The following WDFY3 variants were observed in gnomAD, a reference collection of about 807,000 sequenced individuals.
WDFY3 encodes the protein WD repeat and FYVE domain-containing protein 3.
WDFY3 carries 66 observed loss-of-function variants against 409.6 expected under a neutral mutation model. That is an observed-to-expected ratio of 0.16 (90% CI 0.13 to 0.20). The LOEUF (loss-of-function observed/expected upper bound fraction) is 0.20. Among genes scored for constraint, WDFY3 ranks in the 10% least tolerant of loss-of-function variants. The pLI, the probability that WDFY3 is intolerant of heterozygous loss-of-function variation, is 1.00. For synonymous variants in WDFY3, 1,521 were observed against 1,537.1 expected (o/e 0.99, Z 0.25); for missense variants, 3,031 against 4,298.1 (o/e 0.71, Z 8.24).
chr4:84,848,008 T>G (rs549913630), intron 5 of WDFY3, among the ~76,000 whole-genome samples: 5 of 149,370 alleles, frequency 3.3e-5, no homozygotes, highest in Non-Finnish European at 7.4e-5. Context: ...AACACAAAGA[T>G]AGAAAATGAG....
intron 59 of WDFY3, 148 bp from the exon 60 acceptor site, chr4:84,691,933 T>TCAA (rs1729336760): frequency 9.6e-6 from 8 of 832,804 alleles, no homozygotes; most frequent in Non-Finnish European, 1.4e-5. Context: ...AGAGCTGGGC[T>TCAA]TTTGAATCTC....
chr4:84,952,665 C>T (rs926274835), intron 1 of WDFY3, among the ~76,000 whole-genome samples: 18 of 151,640 alleles, frequency 1.2e-4, no homozygotes, highest in African/African-American at 2.9e-4. Context: ...AAATTTTTTT[C>T]GATGCTATTC....
chr4:84,709,283 T>C lies in WDFY3; in HGVS notation c.8097+10A>G. 1 of 1,606,736 alleles carries C rather than the reference T, an allele frequency of 6.2e-7. No individual in the cohort carries two copies. The highest frequency in any genetic ancestry group is 2.2e-5 in the East Asian group (1 of 44,746). Reference sequence around the variant, plus strand: ...ACTTCTAAGGAAGCTCATATATTCATTAAACTTACCTCCCATCTCTGAGTC... The same window carrying C: ...ACTTCTAAGGAAGCTCATATATTCACTAAACTTACCTCCCATCTCTGAGTC... On this transcript the variant is annotated intron_variant, in intron 52 of 67. Transcript: ENST00000295888.
intron 67 of WDFY3, among the ~76,000 whole-genome samples, chr4:84,676,659 A>T (rs1726352471): frequency 6.6e-6 from 1 of 152,204 alleles, no homozygotes; most frequent in African/African-American, 2.4e-5. Context: ...ATATAATTAA[A>T]ATAACCGACA....
At chr4:84,749,478 A>T (rs187624699) in intron 36 of WDFY3, among the ~76,000 whole-genome samples, 81 of 152,364 alleles carry the variant, frequency 5.3e-4, no homozygotes, top group African/African-American at 1.9e-3. Flanking sequence ...AGCCTTACTT[A>T]ATGTCATTGA....
chr4:84,777,957 A>C (rs1745836946), intron 27 of WDFY3, among the ~76,000 whole-genome samples: 1 of 152,170 alleles, frequency 6.6e-6, no homozygotes, highest in Admixed American at 6.5e-5. Flanking sequence ...AAGCCAGTAG[A>C]AATGAAAATG....
intron 2 of WDFY3, among the ~76,000 whole-genome samples, chr4:84,924,677 C>T (rs921917865): frequency 6.6e-6 from 1 of 152,312 alleles, no homozygotes; most frequent in South Asian, 2.1e-4. Flanking sequence ...TCTGCTCTTT[C>T]ACCTACACAT....
chr4:84,794,587 G>A lies in WDFY3; in HGVS notation c.3419C>T (p.Ala1140Val), dbSNP rs753692566. Residue 1140 changes from alanine to valine, a missense_variant, in exon 21 of 68, where the codon GCA (alanine) becomes GTA (valine). This residue lies in a region of WDFY3 where 1,322 missense variants were observed against 1,697.9 expected (regional missense o/e 0.78). Transcript: ENST00000295888. The stretch of plus-strand genomic sequence containing the variant: ...TCGGTCTTTTGCTGATAGAACTATT[G>A]CAAGGCACACGTAATGTTGCTCAGA... ...NSSEQHYVCL[A>V]IVLSAKDRSL... 5.0e-6 allele frequency: 8 copies of A among 1,613,918 alleles called. No individual in the cohort carries two copies. In the African/African-American group the frequency reaches 8.0e-5, roughly 16 times the overall value.
intron 25 of WDFY3, among the ~76,000 whole-genome samples, chr4:84,781,970 T>G (rs1244238277): frequency 1.3e-5 from 2 of 152,162 alleles, no homozygotes; most frequent in Non-Finnish European, 2.9e-5. Context: ...TTTTTATTAA[T>G]CTAAAAAGGA....
intron 36 of WDFY3, among the ~76,000 whole-genome samples, chr4:84,745,590 C>T (rs531337210): frequency 6.6e-6 from 1 of 152,148 alleles, no homozygotes; most frequent in African/African-American, 2.4e-5. Context: ...AGGAAAATTG[C>T]TCTTTCTTCT....
Position 84,780,204 on chromosome 4 carries a change from A to G in WDFY3, c.4269T>C (p.Asp1423=). The G allele has an allele frequency of 1.2e-6, 2 of 1,613,934 alleles. No individual in the cohort carries two copies. Among genetic ancestry groups the G allele is most frequent in the Non-Finnish European group, 1.7e-6 (2 of 1,179,928 alleles). Residue 1423 remains aspartate, a synonymous_variant, in exon 26 of 68, where the codon GAT becomes GAC. Transcript: ENST00000295888. ...AILGLVAMAS[D]VEGLYAAVKA... ...TGACTGCTGCATATAACCCTTCCAC[A>G]TCAGAGGCCATGGCCACCAGGCCCA... is the stretch of plus-strand genomic sequence containing the variant.
At chr4:84,821,058 AAAT>A (rs1198952367) in intron 11 of WDFY3, 23 bp downstream of exon 11, 1 of 1,542,698 alleles carries the variant, frequency 6.5e-7, no homozygotes. Flanking sequence ...TTTCAAATAA[AAAT>A]AAAATTACAG....
chr4:84,784,893 C>T (rs199610297), intron 24 of WDFY3, among the ~76,000 whole-genome samples: 1,840 of 30,708 alleles, frequency 0.06, 11 homozygotes, highest in African/African-American at 0.083. Flanking sequence ...TATATATATA[C>T]ACACACACAC....
chr4:84,782,980 G>A lies in WDFY3; in HGVS notation c.4157C>T (p.Ala1386Val). The A allele has an allele frequency of 6.2e-7, 1 of 1,614,110 alleles. No homozygotes were observed. The change falls in exon 25 of 68, where the codon GCT (alanine) becomes GTT (valine). Residue 1386 changes from alanine (A) to valine (V), a missense_variant. Coordinates refer to ENST00000295888, the MANE Select transcript of WDFY3 (RefSeq NM_014991.6). Reference sequence around the variant, plus strand: ...CCACTCACCCAAGTATCCAATCAGAGCGGCCCCAATTGTCCGTGCAGATCC... The same window carrying A: ...CCACTCACCCAAGTATCCAATCAGAACGGCCCCAATTGTCCGTGCAGATCC... Reference protein sequence around the residue: ...LNGSARTIGAALIGYLGVRTF... With the variant: ...LNGSARTIGAVLIGYLGVRTF...
Position 84,766,043 on chromosome 4 carries a change from G to A in WDFY3, c.4971-16C>T, listed in dbSNP as rs768016441. ...TTCACAAGCTCTATTCAAGACAGAT[G>A]GATTTAAAAAACAAAAAACAAAATT... On this transcript the variant is annotated splice_polypyrimidine_tract_variant and intron_variant, in intron 31 of 67. Transcript: ENST00000295888. The A allele has an allele frequency of 9.5e-6, 15 of 1,586,002 alleles. No individual in the cohort carries two copies. Among genetic ancestry groups the A allele is most frequent in the Admixed American group, 1.9e-5 (1 of 53,122 alleles).
chr4:84,785,902 G>C, intron 24 of WDFY3, 77 bp downstream of exon 24: 4 of 1,504,234 alleles, frequency 2.7e-6, no homozygotes, highest in South Asian at 1.2e-5. Context: ...TCATAATTGA[G>C]TAGTATCCAT....
At chr4:84,733,070 T>C (rs1452577233) in intron 44 of WDFY3, among the ~76,000 whole-genome samples, 3 of 152,184 alleles carry the variant, frequency 2.0e-5, no homozygotes, top group Non-Finnish European at 2.9e-5. Context: ...AATTCAGGCA[T>C]AATAAAATGA....
chr4:84,869,158 A>C (rs1431327802), intron 3 of WDFY3, among the ~76,000 whole-genome samples: 1 of 152,122 alleles, frequency 6.6e-6, no homozygotes, highest in Non-Finnish European at 1.5e-5. Flanking sequence ...CTGACCTAAA[A>C]CTTACACAAG....
intron 55 of WDFY3, 89 bp from the exon 56 acceptor site, chr4:84,702,595 T>C (rs1489463659): frequency 1.7e-6 from 2 of 1,189,446 alleles, no homozygotes; most frequent in Non-Finnish European, 1.1e-6. Flanking sequence ...ACTCCAACTA[T>C]AGTTGGTGAC....
Sources: gnomAD v4.1 joint callset for allele counts (sites outside exome capture counted in the v4.1 genomes callset) on GRCh38, gnomAD v4.1.1 for gene constraint, gnomAD v4.1.1 regional missense constraint, MANE v1.5 for transcripts, NCBI Gene and HGNC (gene_info 2026-07-23, HGNC 2026-07-21) for gene names.